CAPN15: variants seen among roughly 807,000 people sequenced by gnomAD.
CAPN15 encodes calpain-15.
Under a neutral mutation model 97.9 loss-of-function variants are expected in CAPN15, and 53 were observed. The observed-to-expected ratio is 0.54, with a 90% CI of 0.43 to 0.68. The LOEUF is 0.68. CAPN15 is among the 30% of genes least tolerant of loss of function. CAPN15 has a pLI of 0.00. For missense variants in CAPN15, 1,592 were observed against 1,589.8 expected (o/e 1.00, Z -0.02); for synonymous variants, 922 against 722.5 (o/e 1.28, Z -4.43).
intron 3 of CAPN15, among the ~76,000 whole-genome samples, chr16:542,856 C>T (rs1366738677): frequency 1.3e-5 from 2 of 152,160 alleles, no homozygotes; most frequent in African/African-American, 4.8e-5. Flanking sequence ...GAGTTCAAGA[C>T]CAGCCTGGCC....
In CAPN15 at chr16:548,098, C is replaced by T. The variant is rs772078228; in HGVS notation, c.1260C>T (p.Ala420=). ...PERPGQWACP[A]CTLLNALRAK... is the part of the protein sequence containing the mutation. ...GCCCGGGCCAGTGGGCCTGCCCTGC[C>T]TGTACCCTGCTCAACGCACTGCGGG... Residue 420 remains alanine, a synonymous_variant, in exon 4 of 14, where the codon GCC becomes GCT. Transcript: ENST00000219611. The T allele has an allele frequency of 3.2e-6, 5 of 1,541,164 alleles. No individual in the cohort carries two copies. The highest frequency in any genetic ancestry group is 2.7e-5 in the African/African-American group (2 of 72,814).
In CAPN15 at chr16:547,196, AG is replaced by A; in HGVS notation, c.363del (p.Gln122SerfsTer165). The A allele has an allele frequency of 1.3e-6, 2 of 1,532,946 alleles. No individual in the cohort carries two copies. Among genetic ancestry groups the A allele is most frequent in the Non-Finnish European group, 8.7e-7 (1 of 1,145,148 alleles). The allele number at this position is 1,532,946 out of a possible 1,614,324, so 95.0% of individuals were successfully genotyped here. ...GGGGCTGGTGGCCACGGAGCCCGCCAGGGGGCAGTGCGAGGACAAGGACGAG... is the reference window on the plus strand; with the variant it reads ...GGGGCTGGTGGCCACGGAGCCCGCCAGGGGCAGTGCGAGGACAAGGACGAG... ...TAGLVATEPA[R>X]GQCEDKDEEE... is the part of the protein sequence containing the mutation. On this transcript the variant is annotated frameshift_variant, in exon 4 of 14. Coordinates refer to ENST00000219611, the MANE Select transcript of CAPN15 (RefSeq NM_005632.3). LOFTEE classifies it high-confidence loss of function.
At chr16:534,195 G>A (rs1431852770) in intron 2 of CAPN15, among the ~76,000 whole-genome samples, 197 bp downstream of exon 2, 9 of 152,270 alleles carry the variant, frequency 5.9e-5, no homozygotes, top group Non-Finnish European at 1.0e-4. Flanking sequence ...TGGTCCTGTC[G>A]TGGGAGGCGA....
At chr16:546,758 G>C in intron 3 of CAPN15, 59 bp from the exon 4 acceptor site, 1 of 1,497,488 alleles carries the variant, frequency 6.7e-7, no homozygotes, top group Non-Finnish European at 8.9e-7. Flanking sequence ...CGAGAGGAGG[G>C]TGGGGTCCAG....
rs766560927 is a variant in CAPN15 at position 552,634 on chromosome 16, G to C, written c.2767G>C (p.Ala923Pro). 10 of 1,537,822 alleles carry C rather than the reference G, an allele frequency of 6.5e-6. No individual in the cohort carries two copies. Among genetic ancestry groups the C allele is most frequent in the Non-Finnish European group, 8.7e-6 (10 of 1,143,366 alleles). The change falls in exon 12 of 14, where the codon GCC becomes CCC. Residue 923 changes from alanine to proline, a missense_variant. Transcript: ENST00000219611. The surrounding 1 kb of genome is among the most constrained non-coding windows in gnomAD (Gnocchi z 6.4). ...ASSPSAGVPR[A>P]SPEPPGHVLA... Reference sequence around the variant, plus strand: ...CAGCCCCTCGGCAGGGGTCCCGAGAGCCTCCCCAGAGCCGCCGGGCCACGT... The same window carrying C: ...CAGCCCCTCGGCAGGGGTCCCGAGACCCTCCCCAGAGCCGCCGGGCCACGT...
chr16:551,757 G>T (rs748250723), intron 9 of CAPN15, 93 bp downstream of exon 9: 196 of 1,505,322 alleles, frequency 1.3e-4, no homozygotes, highest in Non-Finnish European at 1.7e-4. Flanking sequence ...CTGCTGACCT[G>T]GGGTGGGGCG....
intron 7 of CAPN15, 57 bp downstream of exon 7, chr16:549,895 G>C: frequency 7.2e-7 from 1 of 1,384,100 alleles, no homozygotes; most frequent in East Asian, 2.5e-5. Context: ...GAGGCGGAGC[G>C]GTGGGAGATG....
intron 3 of CAPN15, chr16:537,052 G>A (rs1038313371): frequency 2.2e-5 from 16 of 741,170 alleles, no homozygotes; most frequent in African/African-American, 1.3e-4. Context: ...ATCCCCTGGC[G>A]TGTGCTGGAA....
At chr16:539,306 C>T (rs962413925) in intron 3 of CAPN15, 4 of 152,294 alleles carry the variant, frequency 2.6e-5, no homozygotes, top group African/African-American at 9.6e-5. Context: ...TGCCGGGACG[C>T]CATCTTGGCC....
intron 3 of CAPN15, among the ~76,000 whole-genome samples, chr16:541,478 G>T (rs1237018663): frequency 6.6e-6 from 1 of 152,212 alleles, no homozygotes; most frequent in Admixed American, 6.5e-5. Context: ...GGGGCCTGGT[G>T]GTCGGCAGAG....
chr16:549,588 G>A (rs1431263711), intron 6 of CAPN15, 27 bp from the exon 7 acceptor site: 3 of 1,515,330 alleles, frequency 2.0e-6, no homozygotes, highest in East Asian at 2.5e-5. Context: ...GGCGGGCGGG[G>A]GTGGCCTCTG....
At chr16:542,105 G>A (rs1048382937) in intron 3 of CAPN15, among the ~76,000 whole-genome samples, 13 of 152,250 alleles carry the variant, frequency 8.5e-5, no homozygotes, top group African/African-American at 1.4e-4. Context: ...CTCTTCACTC[G>A]GCACCGTGCC....
rs374845870 is a variant in CAPN15, at chr16:552,757, G to A, written c.2890G>A (p.Gly964Arg). The change falls in exon 12 of 14, where the codon GGA becomes AGA. Residue 964 changes from glycine (G) to arginine (R), a missense_variant. This residue lies in a region of CAPN15 where 644 missense variants were observed against 699.6 expected (regional missense o/e 0.92). Transcript: ENST00000219611. The surrounding 1 kb of genome is among the most constrained non-coding windows in gnomAD (Gnocchi z 6.4). Reference sequence around the variant, plus strand: ...CATCATCCTGCTCACCGAGAGCCGCGGAGAGCGGCACGAGGTGGGTGGGGG... The same window carrying A: ...CATCATCCTGCTCACCGAGAGCCGCAGAGAGCGGCACGAGGTGGGTGGGGG... ...DAIILLTESR[G>R]ERHEGREGMT... 1.8e-5 allele frequency: 28 copies of A among 1,538,650 alleles called. No homozygotes were observed. Among genetic ancestry groups the A allele is most frequent in the East Asian group, 2.5e-5 (1 of 40,732 alleles).
rs1204918311 is a variant in CAPN15 at position 553,445 on chromosome 16, G to A, written c.3190G>A (p.Ala1064Thr). 6.2e-7 allele frequency: 1 copy of A among 1,611,384 alleles called. No individual in the cohort carries two copies. Among genetic ancestry groups the A allele is most frequent in the African/African-American group, 1.3e-5 (1 of 74,660 alleles). Residue 1064 changes from alanine to threonine, a missense_variant, in exon 14 of 14, where the codon GCC becomes ACC. Around this residue, in one of 3 missense-constraint regions of CAPN15, gnomAD observed 644 missense variants for 699.6 expected, o/e 0.92. Transcript: ENST00000219611. Reference protein sequence around the residue: ...AAQAFLSDWTASKGTHSPPLT... With the variant: ...AAQAFLSDWTTSKGTHSPPLT... ...CCAGGCCTTCCTCAGTGACTGGACA[G>A]CCTCCAAGGGGACCCACAGCCCCCC...
chr16:543,982 ATGCGG>A (rs2034345273), intron 3 of CAPN15, among the ~76,000 whole-genome samples: 1 of 142,762 alleles, frequency 7.0e-6, no homozygotes, highest in East Asian at 2.0e-4. Context: ...GCCTGCGGCC[ATGCGG>A]CCATGCGGCC....
At chr16:530,589 C>T (rs1002145448) in intron 1 of CAPN15, among the ~76,000 whole-genome samples, 2 of 152,210 alleles carry the variant, frequency 1.3e-5, no homozygotes, top group Non-Finnish European at 2.9e-5. Context: ...TTCAGCCACA[C>T]CCTGTCACTA....
intron 4 of CAPN15, 39 bp from the exon 5 acceptor site, chr16:548,954 A>G (rs113035109): frequency 0.017 from 27,447 of 1,599,388 alleles, 448 homozygotes; most frequent in African/African-American, 0.078. Context: ...GAGCGAGGCC[A>G]CCCTGCCCAG....
Position 546,958 on chromosome 16 carries a change from G to A in CAPN15, c.120G>A (p.Arg40=). 6.2e-7 allele frequency: 1 copy of A among 1,610,420 alleles called. No homozygotes were observed. Among genetic ancestry groups the A allele is most frequent in the Non-Finnish European group, 8.5e-7 (1 of 1,179,892 alleles). The change falls in exon 4 of 14, where the codon CGG becomes CGA. Residue 40 remains arginine, a synonymous_variant. Transcript: ENST00000219611. ...RHKPDLNHIL[R]LSVEEQKWPC... is the part of the protein sequence containing the mutation. ...AGCCCGACCTCAACCACATCCTGCG[G>A]CTCAGCGTGGAGGAGCAGAAATGGC...
At chr16:533,872 C>A (rs541919699) in intron 1 of CAPN15, 74 bp from the exon 2 acceptor site, 1 of 738,552 alleles carries the variant, frequency 1.4e-6, no homozygotes. Flanking sequence ...GGGCTGGAGG[C>A]GGGGCTCTGT....
Sources: allele counts gnomAD v4.1 joint callset (sites outside exome capture counted in the v4.1 genomes callset), GRCh38; gene constraint gnomAD v4.1.1; regional missense constraint gnomAD v4.1.1; non-coding constraint Gnocchi (gnomAD v3.1); transcripts MANE v1.5; gene names NCBI Gene and HGNC (gene_info 2026-07-23, HGNC 2026-07-21).